The following HDLBP variants were observed in gnomAD, a reference collection of about 807,000 sequenced individuals.
The protein encoded by HDLBP is high density lipoprotein binding protein.
A neutral mutation model predicts 137.3 loss-of-function variants in HDLBP; 30 were observed. That is an observed-to-expected ratio of 0.22 (90% CI 0.16 to 0.30). The LOEUF (loss-of-function observed/expected upper bound fraction) is 0.30, where lower values mean the gene tolerates loss of function less well. Ranked by LOEUF, HDLBP falls within the 10% of genes least tolerant of loss-of-function variation. The pLI, the probability that HDLBP is intolerant of heterozygous loss-of-function variation, is 1.00. For synonymous variants in HDLBP, 606 were observed against 596.0 expected (o/e 1.02, Z -0.24); for missense variants, 1,119 against 1,667.3 (o/e 0.67, Z 5.73).
At chr2:241,279,098 C>A (rs907757187) in intron 1 of HDLBP, among the ~76,000 whole-genome samples, 39 of 152,112 alleles carry the variant, frequency 2.6e-4, no homozygotes, top group African/African-American at 8.2e-4. Context: ...CTTATAAAAA[C>A]CTTTGTCAAA....
chr2:241,284,490 T>C (rs2074731607), intron 1 of HDLBP, among the ~76,000 whole-genome samples: 5 of 152,242 alleles, frequency 3.3e-5, no homozygotes, highest in African/African-American at 7.2e-5. Flanking sequence ...TTTCCTAAGA[T>C]AGAATCTACT....
At chr2:241,251,178 C>T (rs538456144) in intron 11 of HDLBP, among the ~76,000 whole-genome samples, 2 of 152,152 alleles carry the variant, frequency 1.3e-5, no homozygotes, top group African/African-American at 4.8e-5. Context: ...AGGCTCATCT[C>T]GAACTCCTGG....
intron 21 of HDLBP, chr2:241,236,318 T>C (rs1014144416): frequency 1.4e-5 from 6 of 414,004 alleles, no homozygotes; most frequent in African/African-American, 2.0e-5. Context: ...TTCATCCCCC[T>C]GCAGCTGAGA....
intron 11 of HDLBP, chr2:241,251,007 A>T (rs892507620): frequency 6.6e-6 from 1 of 152,196 alleles, no homozygotes; most frequent in Admixed American, 6.5e-5. Flanking sequence ...TTGCTCTGTC[A>T]CCCAGGCTAA....
In HDLBP at chr2:241,234,966, C is replaced by G. The variant is rs532244484; in HGVS notation, c.3144+155G>C. ...TCTTGGCTAGTTCCACAGCAAGACC[C>G]CTGGATGCTGACTGCGTCCTGGCAC... On this transcript the variant is annotated intron_variant, in intron 23 of 27. Transcript: ENST00000310931. Among the ~76,000 whole-genome samples, 17 of 152,302 alleles carry G rather than the reference C, an allele frequency of 1.1e-4. No individual in the cohort carries two copies. The East Asian group carries it at 3.3e-3, about 29-fold the overall frequency.
intron 1 of HDLBP, chr2:241,273,518 G>A (rs899898705): frequency 3.5e-5 from 30 of 869,434 alleles, no homozygotes; most frequent in Non-Finnish European, 1.5e-5. Flanking sequence ...TCCACCCTCC[G>A]GGAAGGACTT....
At chr2:241,289,417 G>A (rs147405681) in intron 1 of HDLBP, among the ~76,000 whole-genome samples, 3 of 152,290 alleles carry the variant, frequency 2.0e-5, no homozygotes, top group African/African-American at 7.2e-5. Flanking sequence ...TCTCCACAAA[G>A]AGCTAATTCA....
chr2:241,295,423 G>A (rs1292208193), intron 1 of HDLBP, among the ~76,000 whole-genome samples: 3 of 152,146 alleles, frequency 2.0e-5, no homozygotes, highest in Non-Finnish European at 4.4e-5. Context: ...CTATTATAAT[G>A]AAGCTCTAGT....
intron 1 of HDLBP, among the ~76,000 whole-genome samples, chr2:241,292,050 G>A (rs1299910919): frequency 2.6e-5 from 4 of 152,170 alleles, no homozygotes; most frequent in African/African-American, 7.2e-5. Context: ...GCAAATGGCC[G>A]TTAAACCCAG....
At chr2:241,277,975 A>AAAC (rs1559538833) in intron 1 of HDLBP, among the ~76,000 whole-genome samples, 1 of 152,118 alleles carries the variant, frequency 6.6e-6, no homozygotes, top group African/African-American at 2.4e-5. Context: ...AAAAACCAAA[A>AAAC]AACAACAACA....
At chr2:241,279,284 A>G (rs2074511521) in intron 1 of HDLBP, among the ~76,000 whole-genome samples, 1 of 152,234 alleles carries the variant, frequency 6.6e-6, no homozygotes, top group Non-Finnish European at 1.5e-5. Context: ...ATTTTTATTT[A>G]TACAAGTTTT....
intron 5 of HDLBP, among the ~76,000 whole-genome samples, chr2:241,258,091 A>C (rs895869346): frequency 6.6e-6 from 1 of 152,066 alleles, no homozygotes; most frequent in Non-Finnish European, 1.5e-5. Context: ...TGACTTCTAC[A>C]AAAATTTTAA....
chr2:241,242,902 C>T (rs528682070), intron 16 of HDLBP: 29 of 562,880 alleles, frequency 5.2e-5, no homozygotes, highest in Admixed American at 3.9e-4. Flanking sequence ...AGAGCAGGCG[C>T]GCTGGGAGGT....
intron 1 of HDLBP, among the ~76,000 whole-genome samples, chr2:241,276,412 AAAC>A (rs1343698254): frequency 1.3e-5 from 2 of 152,202 alleles, no homozygotes; most frequent in African/African-American, 4.8e-5. Flanking sequence ...AAAAGAGAGA[AAAC>A]AAGAAAAAAG....
At chr2:241,254,847 G>T (rs1472407697) in intron 9 of HDLBP, among the ~76,000 whole-genome samples, 2 of 152,188 alleles carry the variant, frequency 1.3e-5, no homozygotes, top group African/African-American at 4.8e-5. Context: ...AGGCCAGAAG[G>T]ATGGTACAGA....
At chr2:241,280,105 G>A (rs1410363542) in intron 1 of HDLBP, 2 of 985,238 alleles carry the variant, frequency 2.0e-6, no homozygotes, top group Non-Finnish European at 2.4e-6. Context: ...ACCATGGGAT[G>A]GGAGCTAAGT....
In HDLBP at chr2:241,272,745, C is replaced by T. The variant is rs1431194676; in HGVS notation, c.-102-4204G>A. 1.3e-5 allele frequency: 5 copies of T among 376,218 alleles called. No homozygotes were observed. Among genetic ancestry groups the T allele is most frequent in the Non-Finnish European group, 1.8e-5 (5 of 275,374 alleles). 23.3% of individuals were successfully genotyped at this position (376,218 alleles called of 1,614,324 possible). ...CCCGCCCGCCCAGGCCTCCCAGCCC[C>T]GTGTTGCGCGCTCACTCGTGGGCCC... On this transcript the variant is annotated intron_variant, in intron 1 of 27. Transcript: ENST00000310931. This position sits in a 1 kb window ranked among gnomAD's most constrained non-coding sequence, Gnocchi z 5.6.
chr2:241,264,088 G>A (rs2073436900), intron 4 of HDLBP, among the ~76,000 whole-genome samples: 3 of 138,350 alleles, frequency 2.2e-5, no homozygotes, highest in African/African-American at 7.4e-5. Flanking sequence ...AACTGGCCGG[G>A]CGCGGTGGCT....
chr2:241,291,279 TTAGAAACATGACTGACTC>T (rs772629904), intron 1 of HDLBP, among the ~76,000 whole-genome samples: 14 of 152,152 alleles, frequency 9.2e-5, no homozygotes, highest in Non-Finnish European at 1.6e-4. Context: ...CTGGGGTTCC[TTAGAAACATGACTGACTC>T]TAGGTCTAAG....
Sources: gnomAD v4.1 joint callset for allele counts (sites outside exome capture counted in the v4.1 genomes callset) on GRCh38, gnomAD v4.1.1 for gene constraint, Gnocchi (gnomAD v3.1) non-coding constraint, MANE v1.5 for transcripts, NCBI Gene and HGNC (gene_info 2026-07-23, HGNC 2026-07-21) for gene names.